The following ESRRG variants were observed in gnomAD, a reference collection of about 807,000 sequenced individuals.
ESRRG encodes the protein estrogen-related receptor gamma.
In ESRRG, 13 loss-of-function variants were observed where a neutral mutation model predicts 44.0. The observed-to-expected ratio is 0.30, with a 90% CI of 0.19 to 0.47. The LOEUF (loss-of-function observed/expected upper bound fraction) is 0.47. Among genes scored for constraint, ESRRG ranks in the 20% least tolerant of loss-of-function variants. The pLI is 1.00. For synonymous variants in ESRRG, 215 were observed against 214.6 expected, an observed-to-expected ratio of 1.00 and a Z score of -0.02; for missense variants, 395 against 580.6, an observed-to-expected ratio of 0.68 and a Z score of 3.29.
chr1:216,571,481 C>A (rs965595710), intron 3 of ESRRG, among the ~76,000 whole-genome samples: 1 of 152,044 alleles, frequency 6.6e-6, no homozygotes, highest in Non-Finnish European at 1.5e-5. Flanking sequence ...AACAAACAAA[C>A]AAAAAGTATT....
At chr1:217,124,410 C>T (rs1351872353) in intron 1 of ESRRG, among the ~76,000 whole-genome samples, 1 of 152,134 alleles carries the variant, frequency 6.6e-6, no homozygotes, top group Non-Finnish European at 1.5e-5. Flanking sequence ...TGTGGCAAGA[C>T]CTGCTCATGA....
chr1:216,861,224 C>T (rs2096049076), intron 2 of ESRRG, among the ~76,000 whole-genome samples: 1 of 151,512 alleles, frequency 6.6e-6, no homozygotes. Context: ...TAGAAAAATG[C>T]TAGATTTAAA....
chr1:217,069,836 A>G (rs1213433556), intron 1 of ESRRG, among the ~76,000 whole-genome samples: 1 of 152,222 alleles, frequency 6.6e-6, no homozygotes, highest in Admixed American at 6.5e-5. Context: ...GATTCCCTCC[A>G]GGCCCCAGCC....
At chr1:216,778,806 C>A (rs916682377) in intron 2 of ESRRG, among the ~76,000 whole-genome samples, 3 of 151,712 alleles carry the variant, frequency 2.0e-5, no homozygotes, top group African/African-American at 4.8e-5. Flanking sequence ...CTTCATTGTT[C>A]CGAAAGGAGG....
intron 2 of ESRRG, among the ~76,000 whole-genome samples, chr1:216,667,408 G>A (rs1228365736): frequency 2.0e-5 from 3 of 152,002 alleles, no homozygotes; most frequent in South Asian, 2.1e-4. Flanking sequence ...AGTTTAGGCC[G>A]GGTGCAGTGG....
At chr1:216,547,140 C>T (rs955261603) in intron 5 of ESRRG, among the ~76,000 whole-genome samples, 6 of 151,926 alleles carry the variant, frequency 3.9e-5, no homozygotes, top group African/African-American at 9.7e-5. Context: ...ATAGGAGAGG[C>T]CATCTTCAAA....
chr1:216,569,705 T>C (rs1337118138), intron 3 of ESRRG, among the ~76,000 whole-genome samples: 2 of 152,216 alleles, frequency 1.3e-5, no homozygotes, highest in Non-Finnish European at 2.9e-5. Context: ...GATATAACAA[T>C]GTAAAAGTAT....
chr1:216,616,892 A>G (rs1315403312), intron 3 of ESRRG, among the ~76,000 whole-genome samples: 3 of 152,104 alleles, frequency 2.0e-5, no homozygotes, highest in African/African-American at 7.2e-5. Context: ...AATGTCCCCC[A>G]AAGATTCCCT....
chr1:216,877,940 C>A (rs1288440486), intron 2 of ESRRG, among the ~76,000 whole-genome samples: 1 of 152,150 alleles, frequency 6.6e-6, no homozygotes, highest in Non-Finnish European at 1.5e-5. Flanking sequence ...CTCCTTAATA[C>A]TGCAACAAAC....
At chr1:217,089,876 T>C (rs1406419082), upstream of ESRRG, among the ~76,000 whole-genome samples, 1 of 152,154 alleles carries the variant, frequency 6.6e-6, no homozygotes, top group Non-Finnish European at 1.5e-5. Context: ...CGGTCCGCAC[T>C]CCCTGTGACC....
intron 2 of ESRRG, among the ~76,000 whole-genome samples, chr1:216,759,198 T>G (rs1401361129): frequency 6.6e-6 from 1 of 152,114 alleles, no homozygotes; most frequent in Non-Finnish European, 1.5e-5. Context: ...GTGCCCCAGA[T>G]TTTTAGTGGA....
At chr1:216,726,447 A>G (rs2087537162), upstream of ESRRG, among the ~76,000 whole-genome samples, 1 of 152,202 alleles carries the variant, frequency 6.6e-6, no homozygotes, top group Admixed American at 6.5e-5. Context: ...TTGCAGGAGA[A>G]AACAATGGAT....
At chr1:216,658,580 GA>G (rs2071258912) in intron 2 of ESRRG, among the ~76,000 whole-genome samples, 1 of 151,538 alleles carries the variant, frequency 6.6e-6, no homozygotes, top group African/African-American at 2.4e-5. Flanking sequence ...CAGCACTTTG[GA>G]AGGCCGAGGC....
chr1:216,946,385 C>A (rs890731882), intron 1 of ESRRG, among the ~76,000 whole-genome samples: 23 of 152,244 alleles, frequency 1.5e-4, no homozygotes, highest in Non-Finnish European at 1.3e-4. Context: ...AACCCACACA[C>A]AACAAAATAA....
intron 2 of ESRRG, among the ~76,000 whole-genome samples, chr1:216,744,490 A>G (rs2091151011): frequency 1.4e-5 from 2 of 146,240 alleles, no homozygotes; most frequent in Non-Finnish European, 3.1e-5. Flanking sequence ...ACATGCACAC[A>G]CACACACACA....
At position 216,820,756 on chromosome 1, in the gene ESRRG, A is replaced by G. The variant is rs115851590; in HGVS notation, c.-14+118826T>C. Among the ~76,000 whole-genome samples, 694 of 152,342 alleles carry G rather than the reference A, an allele frequency of 4.6e-3. 5 individuals are homozygous for G. The highest frequency in any genetic ancestry group is 0.016 in the African/African-American group (658 of 41,582). ...AGGGTTAATAAATTACCTGCTATTT[A>G]TAACTGTAGACAACAGGTCAAGGGT... On this transcript the variant is annotated intron_variant, in intron 2 of 7. Coordinates refer to the ESRRG transcript ENST00000359162.
At chr1:216,969,030 G>T (rs2071066433) in intron 1 of ESRRG, among the ~76,000 whole-genome samples, 1 of 152,080 alleles carries the variant, frequency 6.6e-6, no homozygotes, top group South Asian at 2.1e-4. Flanking sequence ...ACTCTTTCTA[G>T]ACTAACTCCT....
intron 2 of ESRRG, among the ~76,000 whole-genome samples, chr1:216,777,611 T>C (rs1052350454): frequency 2.0e-5 from 3 of 152,102 alleles, no homozygotes; most frequent in Non-Finnish European, 4.4e-5. Context: ...ATAATTACAT[T>C]CCTATTGGAT....
At chr1:216,509,677 A>G (rs2042160125) in intron 6 of ESRRG, among the ~76,000 whole-genome samples, 1 of 152,232 alleles carries the variant, frequency 6.6e-6, no homozygotes, top group Non-Finnish European at 1.5e-5. Context: ...AGCATGAGAG[A>G]TTTAAAAATG....
Sources: allele counts gnomAD v4.1 joint callset (sites outside exome capture counted in the v4.1 genomes callset), GRCh38; gene constraint gnomAD v4.1.1; transcripts MANE v1.5; gene names NCBI Gene and HGNC (gene_info 2026-07-23, HGNC 2026-07-21).